Variants in AFF3 observed in about 807,000 individuals in gnomAD.
AFF3 encodes the protein AF4/FMR2 family member 3.
In AFF3, 32 loss-of-function variants were observed where a neutral mutation model predicts 129.7. The ratio of observed to expected loss-of-function variants is 0.25; its 90% CI spans 0.19 to 0.33. The LOEUF (loss-of-function observed/expected upper bound fraction) is 0.33. Among genes scored for constraint, AFF3 ranks in the 10% least tolerant of loss-of-function variants. The pLI is 1.00. For synonymous variants in AFF3, 644 were observed against 635.4 expected (o/e 1.01, Z -0.20); for missense variants, 1,373 against 1,592.0 (o/e 0.86, Z 2.34).
chr2:100,074,458 T>C (rs1442056752), intron 4 of AFF3, among the ~76,000 whole-genome samples: 5 of 152,238 alleles, frequency 3.3e-5, no homozygotes, highest in Admixed American at 1.3e-4. Context: ...CATGATAATA[T>C]GCTTGCACTT....
intron 7 of AFF3, among the ~76,000 whole-genome samples, chr2:99,977,723 G>A (rs1349995473): frequency 6.6e-6 from 1 of 152,098 alleles, no homozygotes; most frequent in Non-Finnish European, 1.5e-5. Flanking sequence ...GGACCCAAAA[G>A]GGGAACCCTA....
At chr2:99,686,617 A>G (rs1394245312) in intron 11 of AFF3, among the ~76,000 whole-genome samples, 1 of 152,246 alleles carries the variant, frequency 6.6e-6, no homozygotes, top group Non-Finnish European at 1.5e-5. Context: ...TTGCAAAAAA[A>G]TACAAATAAA....
intron 8 of AFF3, among the ~76,000 whole-genome samples, chr2:99,835,808 C>T (rs987832023): frequency 2.0e-5 from 3 of 152,112 alleles, no homozygotes; most frequent in African/African-American, 4.8e-5. Context: ...ATCTGTGATC[C>T]GGTGGGTCCA....
At chr2:100,041,501 C>T (rs1685431318) in intron 4 of AFF3, among the ~76,000 whole-genome samples, 1 of 152,178 alleles carries the variant, frequency 6.6e-6, no homozygotes, top group Non-Finnish European at 1.5e-5. Flanking sequence ...ATCCTTGGAA[C>T]TGGCATTAGA....
chr2:99,919,482 C>A (rs1255314486), intron 7 of AFF3, among the ~76,000 whole-genome samples: 1 of 152,112 alleles, frequency 6.6e-6, no homozygotes, highest in Non-Finnish European at 1.5e-5. Context: ...GAAGCCATGA[C>A]TGTTCAGATT....
At chr2:99,569,616 T>C (rs765117823) in intron 18 of AFF3, among the ~76,000 whole-genome samples, 7 of 152,132 alleles carry the variant, frequency 4.6e-5, no homozygotes, top group Non-Finnish European at 8.8e-5. Context: ...TGCCGGGAGA[T>C]GAAGGTAACT....
At chr2:99,602,983 G>T (rs1679980841) in intron 13 of AFF3, among the ~76,000 whole-genome samples, 1 of 152,222 alleles carries the variant, frequency 6.6e-6, no homozygotes, top group African/African-American at 2.4e-5. Context: ...GGGAACCAGA[G>T]TGTGAACATA....
intron 2 of AFF3, 163 bp from the exon 3 acceptor site, chr2:100,105,746 G>T: frequency 7.3e-7 from 1 of 1,362,632 alleles, no homozygotes; most frequent in Admixed American, 2.2e-5. Flanking sequence ...GCCTAGAACC[G>T]GAAGCCCCTC....
intron 11 of AFF3, among the ~76,000 whole-genome samples, chr2:99,719,802 C>T (rs1678723133): frequency 6.6e-6 from 1 of 152,302 alleles, no homozygotes; most frequent in Admixed American, 6.5e-5. Flanking sequence ...TTAATCCCAG[C>T]ACTTTGTGAG....
At chr2:99,932,930 T>C (rs751138147) in intron 7 of AFF3, among the ~76,000 whole-genome samples, 1 of 152,200 alleles carries the variant, frequency 6.6e-6, no homozygotes, top group Non-Finnish European at 1.5e-5. Flanking sequence ...ACAGTTTCAA[T>C]AATATGTTTT....
chr2:99,578,464 C>T lies in AFF3; in HGVS notation c.2794-13G>A. On this transcript the variant is annotated splice_polypyrimidine_tract_variant and intron_variant, in intron 17 of 24. Transcript: ENST00000672756. ...TGTGAGCTGCTTTCTAAACAACAAACAACACACATCTTTGAGAAATTGGCC... is the reference window on the plus strand; with the variant it reads ...TGTGAGCTGCTTTCTAAACAACAAATAACACACATCTTTGAGAAATTGGCC... 1.9e-6 allele frequency: 3 copies of T among 1,607,396 alleles called. No homozygotes were observed. The highest frequency in any genetic ancestry group is 1.7e-6 in the Non-Finnish European group (2 of 1,177,450).
intron 13 of AFF3, among the ~76,000 whole-genome samples, chr2:99,603,112 G>A (rs1035691708): frequency 1.3e-5 from 2 of 152,192 alleles, no homozygotes; most frequent in African/African-American, 4.8e-5. Context: ...GAGCTGCAGC[G>A]ATTTCTTTTC....
At chr2:99,993,075 A>G (rs1342982951) in intron 7 of AFF3, among the ~76,000 whole-genome samples, 1 of 152,228 alleles carries the variant, frequency 6.6e-6, no homozygotes, top group Non-Finnish European at 1.5e-5. Context: ...ACACTCCTAT[A>G]GGTGGCAGAG....
intron 7 of AFF3, among the ~76,000 whole-genome samples, chr2:99,840,609 T>C (rs892587025): frequency 6.6e-6 from 1 of 152,210 alleles, no homozygotes; most frequent in African/African-American, 2.4e-5. Context: ...TCCTTCCTTC[T>C]GTTTTCCCAA....
At chr2:99,660,909 C>T (rs1289619973) in intron 12 of AFF3, among the ~76,000 whole-genome samples, 1 of 152,174 alleles carries the variant, frequency 6.6e-6, no homozygotes, top group Non-Finnish European at 1.5e-5. Flanking sequence ...AAACAACAGG[C>T]TAAGAGAGTC....
At chr2:99,967,282 T>C (rs974089624) in intron 7 of AFF3, among the ~76,000 whole-genome samples, 1 of 151,446 alleles carries the variant, frequency 6.6e-6, no homozygotes, top group Non-Finnish European at 1.5e-5. Flanking sequence ...CTGCCTCTCT[T>C]GACCACCCCC....
intron 8 of AFF3, among the ~76,000 whole-genome samples, chr2:99,762,151 G>A (rs1389251008): frequency 1.4e-5 from 2 of 145,146 alleles, no homozygotes; most frequent in African/African-American, 5.2e-5. Context: ...TTCAGATGGA[G>A]TCTCGCTCTG....
At chr2:99,978,180 A>G (rs756898940) in intron 7 of AFF3, among the ~76,000 whole-genome samples, 14 of 152,192 alleles carry the variant, frequency 9.2e-5, no homozygotes, top group Non-Finnish European at 1.6e-4. Context: ...AAACAAAATC[A>G]TCTGAAAAGC....
intron 7 of AFF3, 23 bp downstream of exon 7, chr2:100,006,609 G>T: frequency 6.3e-7 from 1 of 1,585,222 alleles, no homozygotes; most frequent in East Asian, 2.3e-5. Flanking sequence ...AGTTGCATGT[G>T]AACGGTGCTG....
Sources: gnomAD v4.1 joint callset for allele counts (sites outside exome capture counted in the v4.1 genomes callset) on GRCh38, gnomAD v4.1.1 for gene constraint, MANE v1.5 for transcripts, NCBI Gene and HGNC (gene_info 2026-07-23, HGNC 2026-07-21) for gene names.